Variants in MYBBP1A observed in about 807,000 individuals in gnomAD.
MYBBP1A encodes myb-binding protein 1A.
In MYBBP1A, 147 loss-of-function variants were observed where a neutral mutation model predicts 136.3. The ratio of observed to expected loss-of-function variants is 1.08; its 90% CI spans 0.94 to 1.24. The LOEUF (loss-of-function observed/expected upper bound fraction) is 1.24. Among genes scored for constraint, MYBBP1A ranks in the 50% most tolerant of loss-of-function variants. MYBBP1A has a pLI of 0.00. For missense variants in MYBBP1A, 2,060 were observed against 1,727.4 expected (o/e 1.19, Z -3.41); for synonymous variants, 947 against 735.8 (o/e 1.29, Z -4.65).
Position 4,552,089 on chromosome 17 carries a change from G to C in MYBBP1A, c.905+36C>G. The C allele has an allele frequency of 6.2e-7, 1 of 1,604,590 alleles. No individual in the cohort carries two copies. On this transcript the variant is annotated intron_variant, in intron 7 of 25. Transcript: ENST00000254718. The surrounding 1 kb of genome is among the most constrained non-coding windows in gnomAD (Gnocchi z 4.7). ...GTGGCCTAGCCCACTTCACGGACAG[G>C]GAAGGGGGCCGAGAGAGGACACGCG...
In MYBBP1A at chr17:4,545,082, C is replaced by T. The variant is rs750821486; in HGVS notation, c.2254G>A (p.Val752Met). 1.1e-5 allele frequency: 18 copies of T among 1,576,238 alleles called. No individual in the cohort carries two copies. Among genetic ancestry groups the T allele is most frequent in the East Asian group, 2.4e-5 (1 of 42,390 alleles). Residue 752 changes from valine to methionine, a missense_variant, in exon 17 of 26, where the codon GTG (valine) becomes ATG (methionine). Coordinates refer to ENST00000254718, the MANE Select transcript of MYBBP1A (RefSeq NM_014520.4). ...ESEEEERDGD[V>M]DQGFREQLMT... ...AGCTGTTCCCGGAAGCCCTGATCCACGTCCCCGTCGCGCTCCTCCTCCTCG... is the reference window on the plus strand; with the variant it reads ...AGCTGTTCCCGGAAGCCCTGATCCATGTCCCCGTCGCGCTCCTCCTCCTCG...
At position 4,548,580 on chromosome 17, in the gene MYBBP1A, C is replaced by T. The variant is rs199791918; in HGVS notation, c.1500G>A (p.Pro500=). The T allele has an allele frequency of 2.4e-5, 39 of 1,614,202 alleles. No homozygotes were observed. Among genetic ancestry groups the T allele is most frequent in the South Asian group, 1.4e-4 (13 of 91,084 alleles). ...PTSQIPETKH[P]FSFPLENQAR... ...CCTGGTTTTCCAAAGGGAAGGAGAA[C>T]GGGTGCTTTGTCTCAGGGATCTGGG... Residue 500 remains proline, a synonymous_variant, in exon 11 of 26, where the codon CCG becomes CCA. Coordinates refer to ENST00000254718, the MANE Select transcript of MYBBP1A (RefSeq NM_014520.4). The surrounding 1 kb of genome is among the most constrained non-coding windows in gnomAD (Gnocchi z 4.2).
chr17:4,551,421 G>A (rs376378211), intron 8 of MYBBP1A, among the ~76,000 whole-genome samples: 2 of 152,238 alleles, frequency 1.3e-5, no homozygotes, highest in African/African-American at 4.8e-5. Context: ...AAAACTGTCA[G>A]AGGGAAGCCA....
At position 4,539,135 on chromosome 17, in the gene MYBBP1A, C is replaced by A; in HGVS notation, c.*280G>T. On this transcript the variant is annotated 3_prime_UTR_variant, in exon 26 of 26. Transcript: ENST00000254718. ...CCTGCAGCCAGCACATCAACCTGCA[C>A]CAACCCAGGCAAACACCAGAGCCCT... 6.7e-7 allele frequency: 1 copy of A among 1,487,654 alleles called. No individual in the cohort carries two copies. Among genetic ancestry groups the A allele is most frequent in the East Asian group, 2.4e-5 (1 of 41,642 alleles). The allele number at this position is 1,487,654 out of a possible 1,614,324, so 92.2% of individuals were successfully genotyped here. A position where few individuals can be genotyped will look rare whatever the true frequency, so the allele number is the denominator to read the frequency against.
In MYBBP1A at chr17:4,553,984, A is replaced by G. The variant is rs376225764; in HGVS notation, c.453+35T>C. 19 of 1,613,816 alleles carry G rather than the reference A, an allele frequency of 1.2e-5. No homozygotes were observed. The African/African-American group carries it at 2.1e-4, about 18-fold the overall frequency. ...GACTGTCCCCCACCCATCCCAAGCC[A>G]GCCTACATTCCCCCAGTCCCTCCAA... is the stretch of plus-strand genomic sequence containing the variant. On this transcript the variant is annotated intron_variant, in intron 4 of 25. Transcript: ENST00000254718.
intron 5 of MYBBP1A, 42 bp downstream of exon 5, chr17:4,553,768 A>T: frequency 7.3e-6 from 11 of 1,511,888 alleles, no homozygotes; most frequent in Non-Finnish European, 1.0e-5. Flanking sequence ...ATGTCTCTGT[A>T]ACAAAGTGTT....
intron 21 of MYBBP1A, 26 bp downstream of exon 21, chr17:4,542,590 G>A (rs1174748331): frequency 6.2e-7 from 1 of 1,613,568 alleles, no homozygotes; most frequent in Admixed American, 1.7e-5. Context: ...GGACCATGAG[G>A]AAGCAGGGCA....
chr17:4,551,475 A>G (rs1907493624), intron 8 of MYBBP1A, among the ~76,000 whole-genome samples: 1 of 152,218 alleles, frequency 6.6e-6, no homozygotes. Flanking sequence ...CTGGGAGGCC[A>G]AGGCGGGTGG....
At position 4,549,448 on chromosome 17, in the gene MYBBP1A, G is replaced by A. The variant is rs367954752; in HGVS notation, c.1320-6C>T. The A allele has an allele frequency of 3.0e-4, 485 of 1,611,200 alleles. No individual in the cohort carries two copies. The highest frequency in any genetic ancestry group is 3.9e-4 in the Non-Finnish European group (465 of 1,179,382). ...GGAACACAGCTCGCTCAGGCCTAGC[G>A]GGGCAGGAGGCGAGGTCATGTGAGC... On this transcript the variant is annotated splice_polypyrimidine_tract_variant and splice_region_variant and intron_variant, in intron 9 of 25. Transcript: ENST00000254718.
Position 4,539,064 on chromosome 17 carries a change from A to T in MYBBP1A, c.*351T>A. 7.8e-7 allele frequency: 1 copy of T among 1,278,438 alleles called. No individual in the cohort carries two copies. Among genetic ancestry groups the T allele is most frequent in the Non-Finnish European group, 1.1e-6 (1 of 881,386 alleles). 79.2% of individuals were successfully genotyped at this position (1,278,438 alleles called of 1,614,324 possible). ...CCTGGTGGCTCCCTCACAGCAAAAA[A>T]GCCTGGGGGCAAAGAGGTGGCAGGC... On this transcript the variant is annotated 3_prime_UTR_variant, in exon 26 of 26. Transcript: ENST00000254718.
chr17:4,550,369 A>C lies in MYBBP1A; in HGVS notation c.1024-16T>G. On this transcript the variant is annotated splice_polypyrimidine_tract_variant and intron_variant, in intron 8 of 25. Coordinates refer to ENST00000254718, the MANE Select transcript of MYBBP1A (RefSeq NM_014520.4). ...GCTTTGGGAGCTGCAAGAGTTAGGCATGGCGCTGAGCCCACCAGCCCAGGG... is the reference window on the plus strand; with the variant it reads ...GCTTTGGGAGCTGCAAGAGTTAGGCCTGGCGCTGAGCCCACCAGCCCAGGG... 1 of 1,603,234 alleles carries C rather than the reference A, an allele frequency of 6.2e-7. No homozygotes were observed. Among genetic ancestry groups the C allele is most frequent in the Non-Finnish European group, 8.5e-7 (1 of 1,174,768 alleles).
Position 4,545,328 on chromosome 17 carries a change from G to C in MYBBP1A, c.2091C>G (p.Thr697=), listed in dbSNP as rs777235117. The change falls in exon 16 of 26, where the codon ACC becomes ACG. Residue 697 remains threonine (T), a synonymous_variant. Transcript: ENST00000254718. ...CCACACGGTCATTCTCATCCTCACT[G>C]GTCTCGGGGTTCAGCACCTGGGGAG... ...QLILDVLNPE[T]SEDENDRVVV... The C allele has an allele frequency of 1.2e-6, 2 of 1,613,036 alleles. No homozygotes were observed. Among genetic ancestry groups the C allele is most frequent in the Admixed American group, 3.3e-5 (2 of 59,992 alleles).
At chr17:4,542,091 G>A (rs1906488811) in intron 22 of MYBBP1A, 200 bp from the exon 23 acceptor site, 2 of 596,860 alleles carry the variant, frequency 3.4e-6, no homozygotes, top group South Asian at 4.0e-5. Context: ...CTGGATAGAG[G>A]TGGGACCTCA....
Position 4,539,632 on chromosome 17 carries a change from TTC to T in MYBBP1A, c.3768_3769del (p.Lys1257AlafsTer87). 2 of 1,612,862 alleles carry T rather than the reference TTC, an allele frequency of 1.2e-6. No individual in the cohort carries two copies. The highest frequency in any genetic ancestry group is 1.7e-6 in the Non-Finnish European group (2 of 1,179,200). On this transcript the variant is annotated frameshift_variant, in exon 26 of 26. Transcript: ENST00000254718. LOFTEE classifies it low-confidence loss of function (END_TRUNC). ...GGGAGCTCCATTCACCTGGGACGGCTTCTGGTTTTTCTTCTGCAGTTTTGGGG... is the reference window on the plus strand; with the variant it reads ...GGGAGCTCCATTCACCTGGGACGGCTTGGTTTTTCTTCTGCAGTTTTGGGG...
Position 4,552,721 on chromosome 17 carries a change from G to A in MYBBP1A, c.562-95C>T, listed in dbSNP as rs548070042. On this transcript the variant is annotated intron_variant, in intron 5 of 25. Coordinates refer to ENST00000254718, the MANE Select transcript of MYBBP1A (RefSeq NM_014520.4). The surrounding 1 kb of genome is among the most constrained non-coding windows in gnomAD (Gnocchi z 4.7). ...CTCCTGACACGGGGCCACCTGGTGA[G>A]GTATCAGAGTCATCAGAGGCCAGTT... 3.4e-6 allele frequency: 4 copies of A among 1,189,430 alleles called. No individual in the cohort carries two copies. Among genetic ancestry groups the A allele is most frequent in the Admixed American group, 2.5e-5 (1 of 40,700 alleles). 73.7% of individuals were successfully genotyped at this position (1,189,430 alleles called of 1,614,324 possible). A position where few individuals can be genotyped will look rare whatever the true frequency, so the allele number is the denominator to read the frequency against.
At position 4,552,506 on chromosome 17, in the gene MYBBP1A, T is replaced by C; in HGVS notation, c.682A>G (p.Lys228Glu). 1 of 1,613,886 alleles carries C rather than the reference T, an allele frequency of 6.2e-7. No individual in the cohort carries two copies. The highest frequency in any genetic ancestry group is 8.5e-7 in the Non-Finnish European group (1 of 1,180,024). The change falls in exon 6 of 26, where the codon AAG (lysine) becomes GAG (glutamate). Residue 228 changes from lysine to glutamate, a missense_variant. Coordinates refer to ENST00000254718, the MANE Select transcript of MYBBP1A (RefSeq NM_014520.4). This position sits in a 1 kb window ranked among gnomAD's most constrained non-coding sequence, Gnocchi z 4.7. Reference sequence around the variant, plus strand: ...ACGGATCCCACCAGCTTCTTGAGCTTGGAGGGCACCTTCTGCTGGGCCAGG... The same window carrying C: ...ACGGATCCCACCAGCTTCTTGAGCTCGGAGGGCACCTTCTGCTGGGCCAGG... The part of the protein sequence containing the change: ...FLLAQQKVPS[K>E]LKKLVGSVNL...
intron 8 of MYBBP1A, among the ~76,000 whole-genome samples, chr17:4,551,641 G>A (rs931036511): frequency 2.0e-5 from 3 of 152,162 alleles, no homozygotes; most frequent in Admixed American, 6.5e-5. Context: ...CCTGGGAGGC[G>A]GAGGTTGCAG....
intron 13 of MYBBP1A, chr17:4,547,599 TG>T (rs1291251326): frequency 4.4e-6 from 1 of 226,418 alleles, no homozygotes; most frequent in Non-Finnish European, 8.5e-6. Flanking sequence ...GGCTTCTTGA[TG>T]GGAAGAACCG....
chr17:4,541,314 C>T (rs1216227341), intron 24 of MYBBP1A, 149 bp downstream of exon 24: 3 of 726,554 alleles, frequency 4.1e-6, no homozygotes, highest in African/African-American at 3.5e-5. Flanking sequence ...GCCCAAATGG[C>T]AGCCCAGAGC....
Sources: gnomAD v4.1 joint callset for allele counts (sites outside exome capture counted in the v4.1 genomes callset) on GRCh38, gnomAD v4.1.1 for gene constraint, Gnocchi (gnomAD v3.1) non-coding constraint, MANE v1.5 for transcripts, NCBI Gene and HGNC (gene_info 2026-07-23, HGNC 2026-07-21) for gene names.